Variants in MNAT1 observed in about 807,000 individuals in gnomAD.
The protein encoded by MNAT1 is MNAT1 component of CDK activating kinase, also known as CDK-activating kinase assembly factor MAT1.
Under a neutral mutation model 42.0 loss-of-function variants are expected in MNAT1, and 43 were observed. The ratio of observed to expected loss-of-function variants is 1.02; its 90% CI spans 0.80 to 1.32. The LOEUF is 1.32. MNAT1 is among the 40% of genes most tolerant of loss of function. MNAT1 has a pLI of 0.00. For synonymous variants in MNAT1, 118 were observed against 120.0 expected (o/e 0.98, Z 0.11); for missense variants, 306 against 350.4 (o/e 0.87, Z 1.01).
At chr14:60,913,973 G>C (rs1026686976) in intron 7 of MNAT1, among the ~76,000 whole-genome samples, 1 of 152,206 alleles carries the variant, frequency 6.6e-6, no homozygotes, top group Non-Finnish European at 1.5e-5. Flanking sequence ...TGGGCTCCAC[G>C]CAGTTCGAGC....
At position 60,747,231 on chromosome 14, in the gene MNAT1, G is replaced by A. The variant is rs570148147; in HGVS notation, c.89+12280G>A. On this transcript the variant is annotated intron_variant, in intron 1 of 7. Transcript: ENST00000261245. ...GATCTCCTGACCTTGTGATCTGCCC[G>A]CCCTGGCCTCCCAAAGTGCTAGGAT... Among the ~76,000 whole-genome samples, 24 of 151,772 alleles carry A rather than the reference G, an allele frequency of 1.6e-4. No homozygotes were observed. In the South Asian group the frequency reaches 2.3e-3, roughly 15 times the overall value.
At chr14:60,826,307 ATTTTTTTTTTT>A (rs60838198) in intron 6 of MNAT1, among the ~76,000 whole-genome samples, 4 of 119,784 alleles carry the variant, frequency 3.3e-5, no homozygotes, top group African/African-American at 9.3e-5. Flanking sequence ...AATAGGAGAA[ATTTTTTTTTTT>A]TTTTTTTTTT....
chr14:60,947,907 C>T (rs2036311754), intron 7 of MNAT1, among the ~76,000 whole-genome samples: 1 of 152,088 alleles, frequency 6.6e-6, no homozygotes, highest in South Asian at 2.1e-4. Flanking sequence ...TCCAGACCTG[C>T]GATGACAGGT....
Position 60,864,225 on chromosome 14 carries a change from GT to G in MNAT1, c.688-15482del, listed in dbSNP as rs568248831. On this transcript the variant is annotated intron_variant, in intron 6 of 7. Transcript: ENST00000261245. ...ATTTAAAAAGTACTTATATACTAATGTTTTTTTAAACAAATGAGCACATTAT... is the reference window on the plus strand; with the variant it reads ...ATTTAAAAAGTACTTATATACTAATGTTTTTTAAACAAATGAGCACATTAT... 3.5e-3 allele frequency among the ~76,000 whole-genome samples: 525 copies of G among 151,288 alleles called. 1 individual carries two copies. The highest frequency in any genetic ancestry group is 5.9e-3 in the Non-Finnish European group (400 of 67,634).
intron 6 of MNAT1, among the ~76,000 whole-genome samples, chr14:60,843,513 G>A (rs1368263541): frequency 1.3e-5 from 2 of 151,838 alleles, no homozygotes; most frequent in Non-Finnish European, 1.5e-5. Flanking sequence ...CTCGTGATCC[G>A]CCTGTCTCGG....
chr14:60,855,715 C>T (rs1344030949), intron 6 of MNAT1, among the ~76,000 whole-genome samples: 6 of 152,192 alleles, frequency 3.9e-5, no homozygotes, highest in African/African-American at 1.2e-4. Flanking sequence ...GCGTTGGTCT[C>T]ACTGAGAGAT....
At chr14:60,758,894 C>G (rs1594730224) in intron 1 of MNAT1, among the ~76,000 whole-genome samples, 1 of 151,916 alleles carries the variant, frequency 6.6e-6, no homozygotes, top group Admixed American at 6.6e-5. Context: ...AAGTATATGC[C>G]TTCCTAATTT....
chr14:60,835,232 G>A (rs2033357363), intron 6 of MNAT1, among the ~76,000 whole-genome samples: 1 of 151,898 alleles, frequency 6.6e-6, no homozygotes, highest in African/African-American at 2.4e-5. Flanking sequence ...TTTTAATTGG[G>A]GCATTTAGCC....
At chr14:60,929,162 A>ATATATATAT (rs1422031735) in intron 7 of MNAT1, among the ~76,000 whole-genome samples, 7 of 127,952 alleles carry the variant, frequency 5.5e-5, no homozygotes, top group African/African-American at 1.1e-4. Context: ...AAAAAAAAAA[A>ATATATATAT]AAAAAAAAAT....
intron 1 of MNAT1, among the ~76,000 whole-genome samples, chr14:60,769,141 A>G (rs1295022681): frequency 6.6e-6 from 1 of 152,006 alleles, no homozygotes; most frequent in African/African-American, 2.4e-5. Context: ...AGAAATGACT[A>G]CTTCTTTGAA....
intron 1 of MNAT1, among the ~76,000 whole-genome samples, chr14:60,769,558 A>G (rs1173375527): frequency 6.6e-6 from 1 of 152,136 alleles, no homozygotes; most frequent in East Asian, 1.9e-4. Flanking sequence ...TGTTGCGATT[A>G]TAGGTGTGAG....
chr14:60,913,956 G>C (rs1254380788), intron 7 of MNAT1, among the ~76,000 whole-genome samples: 1 of 152,230 alleles, frequency 6.6e-6, no homozygotes, highest in African/African-American at 2.4e-5. Flanking sequence ...GCCTCCTTGA[G>C]CTGTGGTGGG....
chr14:60,908,481 C>A (rs551669159), intron 7 of MNAT1, among the ~76,000 whole-genome samples: 56 of 151,306 alleles, frequency 3.7e-4, no homozygotes, highest in African/African-American at 1.3e-3. Flanking sequence ...AACCCCCCGA[C>A]CCCACAACAG....
intron 3 of MNAT1, chr14:60,799,474 A>G: frequency 2.3e-6 from 2 of 879,926 alleles, no homozygotes; most frequent in Non-Finnish European, 2.7e-6. Context: ...TAGCTTACAT[A>G]TATTCTAAAG....
chr14:60,928,817 T>G (rs1307195111), intron 7 of MNAT1, among the ~76,000 whole-genome samples: 2 of 151,896 alleles, frequency 1.3e-5, no homozygotes, highest in Non-Finnish European at 2.9e-5. Flanking sequence ...CTTATAATTC[T>G]TTATATATTC....
intron 7 of MNAT1, among the ~76,000 whole-genome samples, chr14:60,952,658 G>A (rs2036405469): frequency 6.6e-6 from 1 of 152,104 alleles, no homozygotes. Flanking sequence ...TGTAAAGAAA[G>A]GTGAGTTCGA....
intron 7 of MNAT1, among the ~76,000 whole-genome samples, chr14:60,931,137 T>C (rs573222236): frequency 1.8e-4 from 27 of 152,112 alleles, no homozygotes; most frequent in Non-Finnish European, 3.5e-4. Context: ...GGGATAGAAT[T>C]GAAAGGACTT....
chr14:60,756,578 G>C (rs1324046645), intron 1 of MNAT1, among the ~76,000 whole-genome samples: 6 of 152,132 alleles, frequency 3.9e-5, no homozygotes, highest in Non-Finnish European at 8.8e-5. Flanking sequence ...GAAAAATCTT[G>C]ATGTAAGTGG....
At chr14:60,960,306 C>G (rs888268911) in intron 7 of MNAT1, among the ~76,000 whole-genome samples, 2 of 152,148 alleles carry the variant, frequency 1.3e-5, no homozygotes, top group Admixed American at 1.3e-4. Flanking sequence ...ATTTACTACC[C>G]TTTACTTCAA....
Sources: allele counts gnomAD v4.1 joint callset (sites outside exome capture counted in the v4.1 genomes callset), GRCh38; gene constraint gnomAD v4.1.1; transcripts MANE v1.5; gene names NCBI Gene and HGNC (gene_info 2026-07-23, HGNC 2026-07-21).